Variants in FOXRED1 observed in about 807,000 individuals in gnomAD.
FOXRED1 encodes FAD-dependent oxidoreductase domain-containing protein 1.
Under a neutral mutation model 57.8 loss-of-function variants are expected in FOXRED1, and 52 were observed. That is an observed-to-expected ratio of 0.90 (90% CI 0.72 to 1.13). The LOEUF (loss-of-function observed/expected upper bound fraction) is 1.13. FOXRED1 is among the 50% of genes most tolerant of loss of function. FOXRED1 has a pLI of 0.00. For synonymous variants in FOXRED1, 271 were observed against 248.3 expected, an observed-to-expected ratio of 1.09 and a Z score of -0.86; for missense variants, 589 against 625.2, an observed-to-expected ratio of 0.94 and a Z score of 0.62.
At position 126,273,763 on chromosome 11, in the gene FOXRED1, T is replaced by G. The variant is rs1317768003; in HGVS notation, c.536+309T>G. 6.6e-5 allele frequency: 27 copies of G among 409,394 alleles called. No individual in the cohort carries two copies. The East Asian group carries it at 1.4e-3, about 21-fold the overall frequency. The allele number at this position is 409,394 out of a possible 1,614,324, so 25.4% of individuals were successfully genotyped here. A position where few individuals can be genotyped will look rare whatever the true frequency, so the allele number is the denominator to read the frequency against. On this transcript the variant is annotated intron_variant, in intron 4 of 10. Coordinates refer to ENST00000263578, the MANE Select transcript of FOXRED1 (RefSeq NM_017547.4). The surrounding 1 kb of genome is among the most constrained non-coding windows in gnomAD (Gnocchi z 5.9). ...AAATCTGGGTTTTTAACAAGAACCT[T>G]AAGTCAGGAGTTAGCAAACTTTTTC... is the stretch of plus-strand genomic sequence containing the variant.
At chr11:126,276,808 T>C (rs568350549) in intron 9 of FOXRED1, 6 of 489,838 alleles carry the variant, frequency 1.2e-5, no homozygotes, top group South Asian at 6.1e-5. Context: ...CCCGGGAGGC[T>C]GAGGTTGCAG....
In FOXRED1 at chr11:126,271,808, A is replaced by G. The variant is rs1013797732; in HGVS notation, c.306+151A>G. 16 of 710,946 alleles carry G rather than the reference A, an allele frequency of 2.3e-5. No homozygotes were observed. The African/African-American group carries it at 2.6e-4, about 12-fold the overall frequency. 44.0% of individuals were successfully genotyped at this position (710,946 alleles called of 1,614,324 possible). On this transcript the variant is annotated intron_variant, in intron 2 of 10. Coordinates refer to ENST00000263578, the MANE Select transcript of FOXRED1 (RefSeq NM_017547.4). The surrounding 1 kb of genome is among the most constrained non-coding windows in gnomAD (Gnocchi z 5.3). ...GATTGTGCTTTGGACTTTGTTGAGA[A>G]ATTTTCCTAGGATCTTCCTCAGTCG...
rs369005953 is a variant in FOXRED1 at position 126,271,451 on chromosome 11, G to A, written c.100G>A (p.Val34Met). ...GGFSLDWDGK[V>M]SEIKKKIKSI... Reference sequence around the variant, plus strand: ...ACATCCCACAGACTGGGATGGAAAGGTGTCTGAGATTAAGAAGAAGATCAA... The same window carrying A: ...ACATCCCACAGACTGGGATGGAAAGATGTCTGAGATTAAGAAGAAGATCAA... The change falls in exon 2 of 11, where the codon GTG (valine) becomes ATG (methionine). Residue 34 changes from valine to methionine, a missense_variant. Physicochemically the swap from Val to Met is conservative, Grantham distance 21. Coordinates refer to ENST00000263578, the MANE Select transcript of FOXRED1 (RefSeq NM_017547.4). The surrounding 1 kb of genome is among the most constrained non-coding windows in gnomAD (Gnocchi z 5.3). The A allele has an allele frequency of 2.9e-5, 46 of 1,613,528 alleles. No individual in the cohort carries two copies. Among genetic ancestry groups the A allele is most frequent in the Non-Finnish European group, 3.6e-5 (42 of 1,179,546 alleles).
rs778297450 is a variant in FOXRED1, at chr11:126,277,138, A to G, written c.1169A>G (p.His390Arg). 1.9e-6 allele frequency: 3 copies of G among 1,613,490 alleles called. No homozygotes were observed. The highest frequency in any genetic ancestry group is 8.5e-7 in the Non-Finnish European group (1 of 1,179,732). The change falls in exon 10 of 11, where the codon CAT becomes CGT. Residue 390 changes from histidine to arginine, a missense_variant. Coordinates refer to ENST00000263578, the MANE Select transcript of FOXRED1 (RefSeq NM_017547.4). This position sits in a 1 kb window ranked among gnomAD's most constrained non-coding sequence, Gnocchi z 6.8. ...TTCTTCCAGGACAAGGTGTGGCCCC[A>G]TTTGGCCCTGAGGGTCCCAGCTTTT... The part of the protein sequence containing the change: ...HDFFQDKVWP[H>R]LALRVPAFET...
In FOXRED1 at chr11:126,275,802, T is replaced by C; in HGVS notation, c.742T>C (p.Ser248Pro). 2 of 1,610,482 alleles carry C rather than the reference T, an allele frequency of 1.2e-6. No individual in the cohort carries two copies. The highest frequency in any genetic ancestry group is 1.7e-6 in the Non-Finnish European group (2 of 1,176,808). Residue 248 changes from serine (S) to proline (P), a missense_variant, in exon 7 of 11, where the codon TCT (serine) becomes CCT (proline). Physicochemically the swap from Ser to Pro is moderately conservative, Grantham distance 74. Coordinates refer to ENST00000263578, the MANE Select transcript of FOXRED1 (RefSeq NM_017547.4). This position sits in a 1 kb window ranked among gnomAD's most constrained non-coding sequence, Gnocchi z 5.9. ...FCQGEVTRFVSSSQRMLTTDD... is the reference protein window; with the variant it reads ...FCQGEVTRFVPSSQRMLTTDD... ...CATTTTCTTCTCTGCAGGTTTTGTCTCTTCATCTCAACGCATGTTGACCAC... is the reference window on the plus strand; with the variant it reads ...CATTTTCTTCTCTGCAGGTTTTGTCCCTTCATCTCAACGCATGTTGACCAC...
chr11:126,275,581 C>A lies in FOXRED1; in HGVS notation c.733+153C>A. On this transcript the variant is annotated intron_variant, in intron 6 of 10. Coordinates refer to ENST00000263578, the MANE Select transcript of FOXRED1 (RefSeq NM_017547.4). This position sits in a 1 kb window ranked among gnomAD's most constrained non-coding sequence, Gnocchi z 5.9. ...TTGACCTGGGCTCCTCACTGATCTGCGTTGTGACTTGTGATCTGCTTGATG... is the reference window on the plus strand; with the variant it reads ...TTGACCTGGGCTCCTCACTGATCTGAGTTGTGACTTGTGATCTGCTTGATG... 1 of 734,162 alleles carries A rather than the reference C, an allele frequency of 1.4e-6. No individual in the cohort carries two copies. The highest frequency in any genetic ancestry group is 2.5e-6 in the Non-Finnish European group (1 of 407,470). The allele number at this position is 734,162 out of a possible 1,614,324, so 45.5% of individuals were successfully genotyped here.
intron 1 of FOXRED1, among the ~76,000 whole-genome samples, chr11:126,269,882 G>T (rs1003572445): frequency 6.6e-6 from 1 of 151,498 alleles, no homozygotes; most frequent in African/African-American, 2.4e-5. Context: ...AGGTACTCGG[G>T]AGGCTGAGGC....
rs779378190 is a variant in FOXRED1, at chr11:126,271,632, T to G, written c.281T>G (p.Val94Gly). ...KLESRRGAIR[V>G]LVVERDHTYS... ...GAGAGCAGACGAGGTGCTATTCGAG[T>G]GCTAGTGGTGGAACGGGACCACACG... Residue 94 changes from valine (V) to glycine (G), a missense_variant, in exon 2 of 11, where the codon GTG becomes GGG. Physicochemically the swap from Val to Gly is moderately radical, Grantham distance 109. Transcript: ENST00000263578. This position sits in a 1 kb window ranked among gnomAD's most constrained non-coding sequence, Gnocchi z 5.3. 8 of 1,613,700 alleles carry G rather than the reference T, an allele frequency of 5.0e-6. No individual in the cohort carries two copies. The highest frequency in any genetic ancestry group is 6.8e-6 in the Non-Finnish European group (8 of 1,179,928).
In FOXRED1 at chr11:126,271,568, G is replaced by T. The variant is rs775117942; in HGVS notation, c.217G>T (p.Val73Leu). 4 of 1,614,128 alleles carry T rather than the reference G, an allele frequency of 2.5e-6. No individual in the cohort carries two copies. The African/African-American group carries it at 4.0e-5, about 16-fold the overall frequency. Residue 73 changes from valine to leucine, a missense_variant, in exon 2 of 11, where the codon GTG (valine) becomes TTG (leucine). Coordinates refer to ENST00000263578, the MANE Select transcript of FOXRED1 (RefSeq NM_017547.4). This position sits in a 1 kb window ranked among gnomAD's most constrained non-coding sequence, Gnocchi z 5.3. ...GGATGTGGTGATCGTGGGAGGTGGG[G>T]TGCTTGGCTTGTCTGTGGCCTATTG... is the stretch of plus-strand genomic sequence containing the variant. ...HSDVVIVGGG[V>L]LGLSVAYWLK...
chr11:126,271,565 G>A lies in FOXRED1; in HGVS notation c.214G>A (p.Gly72Arg). ...CTCGGATGTGGTGATCGTGGGAGGT[G>A]GGGTGCTTGGCTTGTCTGTGGCCTA... ...EHSDVVIVGG[G>R]VLGLSVAYWL... The change falls in exon 2 of 11, where the codon GGG (glycine) becomes AGG (arginine). Residue 72 changes from glycine (G) to arginine (R), a missense_variant. Physicochemically the swap from Gly to Arg is moderately radical, Grantham distance 125. Transcript: ENST00000263578. The surrounding 1 kb of genome is among the most constrained non-coding windows in gnomAD (Gnocchi z 5.3). 6.2e-7 allele frequency: 1 copy of A among 1,614,222 alleles called. No homozygotes were observed. Among genetic ancestry groups the A allele is most frequent in the Non-Finnish European group, 8.5e-7 (1 of 1,180,034 alleles).
At chr11:126,269,609 G>A (rs968385359) in intron 1 of FOXRED1, among the ~76,000 whole-genome samples, 1 of 152,230 alleles carries the variant, frequency 6.6e-6, no homozygotes, top group African/African-American at 2.4e-5. Context: ...CGGTAAAGGA[G>A]TGAAGAGAAG....
At chr11:126,270,946 T>C (rs1591545876) in intron 1 of FOXRED1, 1 of 196,736 alleles carries the variant, frequency 5.1e-6, no homozygotes, top group Non-Finnish European at 1.1e-5. Flanking sequence ...GATTGAGGAG[T>C]TACTTGGAAG....
chr11:126,276,220 G>C lies in FOXRED1; in HGVS notation c.971+1G>C, dbSNP rs1317808124. ...AGCTACCTGTGGAGCCGAGGAAAAG[G>C]TAACTGCCCTCCGGACAGCTGAGGA... On this transcript the variant is annotated splice_donor_variant, in intron 8 of 10. Coordinates refer to ENST00000263578, the MANE Select transcript of FOXRED1 (RefSeq NM_017547.4). LOFTEE classifies it high-confidence loss of function. 6.7e-7 allele frequency: 1 copy of C among 1,488,346 alleles called. No homozygotes were observed. Among genetic ancestry groups the C allele is most frequent in the Non-Finnish European group, 9.0e-7 (1 of 1,117,012 alleles). The allele number at this position is 1,488,346 out of a possible 1,614,324, so 92.2% of individuals were successfully genotyped here.
chr11:126,272,534 A>G lies in FOXRED1; in HGVS notation c.307-435A>G. ...CTCAGATTCCTGAACTCAAGCAATC[A>G]GCCCGCCTCGGCCTCCCAAAGTGCT... On this transcript the variant is annotated intron_variant, in intron 2 of 10. Coordinates refer to ENST00000263578, the MANE Select transcript of FOXRED1 (RefSeq NM_017547.4). This position sits in a 1 kb window ranked among gnomAD's most constrained non-coding sequence, Gnocchi z 4.6. The G allele has an allele frequency of 4.1e-6, 1 of 244,616 alleles. No homozygotes were observed. Among genetic ancestry groups the G allele is most frequent in the Non-Finnish European group, 8.1e-6 (1 of 123,946 alleles). The allele number at this position is 244,616 out of a possible 1,614,324, so 15.2% of individuals were successfully genotyped here.
At chr11:126,269,830 T>G (rs560566171) in intron 1 of FOXRED1, among the ~76,000 whole-genome samples, 1 of 151,642 alleles carries the variant, frequency 6.6e-6, no homozygotes, top group African/African-American at 2.4e-5. Flanking sequence ...CTACTAAAAA[T>G]ACAAAAATTA....
Position 126,277,105 on chromosome 11 carries a change from AC to A in FOXRED1, c.1138del (p.His380MetfsTer14), listed in dbSNP as rs1951175181. On this transcript the variant is annotated frameshift_variant, in exon 10 of 11. Transcript: ENST00000263578. LOFTEE classifies it high-confidence loss of function. This position sits in a 1 kb window ranked among gnomAD's most constrained non-coding sequence, Gnocchi z 6.8. ...EEPDPANLEV[D>X]HDFFQDKVWP... is the part of the protein sequence containing the mutation. ...CCGGACCCGGCGAACCTGGAAGTGG[AC>A]CATGATTTCTTCCAGGACAAGGTGT... 2 of 1,613,434 alleles carry A rather than the reference AC, an allele frequency of 1.2e-6. No individual in the cohort carries two copies. The highest frequency in any genetic ancestry group is 1.7e-6 in the Non-Finnish European group (2 of 1,179,834).
chr11:126,276,322 G>GTATGTAT, intron 8 of FOXRED1, 72 bp from the exon 9 acceptor site: 6 of 502,880 alleles, frequency 1.2e-5, no homozygotes, highest in South Asian at 5.6e-5. Context: ...TGTGGGGTGT[G>GTATGTAT]GGGTGGACAG....
Position 126,269,190 on chromosome 11 carries a change from C to G in FOXRED1, c.-17C>G, listed in dbSNP as rs768776511. ...GGCAGCAGTGCAGCTTTCAGAGGGT[C>G]CGGGCTCAGAGGGGTTATGATTCGG... is the stretch of plus-strand genomic sequence containing the variant. On this transcript the variant is annotated 5_prime_UTR_variant, in exon 1 of 11. Transcript: ENST00000263578. 12 of 1,597,628 alleles carry G rather than the reference C, an allele frequency of 7.5e-6. No individual in the cohort carries two copies. Among genetic ancestry groups the G allele is most frequent in the South Asian group, 1.1e-5 (1 of 90,668 alleles).
chr11:126,274,860 C>G lies in FOXRED1; in HGVS notation c.537-67C>G. ...GACTCCCCACTTGTGGAGTTGGGGT[C>G]CATACATCATCCCCCTGCACACTCC... On this transcript the variant is annotated intron_variant, in intron 4 of 10. Coordinates refer to ENST00000263578, the MANE Select transcript of FOXRED1 (RefSeq NM_017547.4). The surrounding 1 kb of genome is among the most constrained non-coding windows in gnomAD (Gnocchi z 4.8). 1.1e-6 allele frequency: 1 copy of G among 910,670 alleles called. No individual in the cohort carries two copies. The highest frequency in any genetic ancestry group is 1.9e-6 in the Non-Finnish European group (1 of 537,326). 56.4% of individuals were successfully genotyped at this position (910,670 alleles called of 1,614,324 possible).
Sources: allele counts gnomAD v4.1 joint callset (sites outside exome capture counted in the v4.1 genomes callset), GRCh38; gene constraint gnomAD v4.1.1; non-coding constraint Gnocchi (gnomAD v3.1); transcripts MANE v1.5; gene names NCBI Gene and HGNC (gene_info 2026-07-23, HGNC 2026-07-21).